Variants in PRKAR1B observed in about 807,000 individuals in gnomAD.
The protein encoded by PRKAR1B is cAMP-dependent protein kinase type I-beta regulatory subunit.
PRKAR1B carries 22 observed loss-of-function variants against 46.5 expected under a neutral mutation model. The ratio of observed to expected loss-of-function variants is 0.47; its 90% CI spans 0.34 to 0.68. The LOEUF is 0.68. PRKAR1B is among the 30% of genes least tolerant of loss of function. The probability of loss-of-function intolerance (pLI) is 0.01; values close to 1 mark genes in which losing one functional copy is unlikely to be tolerated. For missense variants in PRKAR1B, 445 were observed against 535.6 expected, an observed-to-expected ratio of 0.83 and a Z score of 1.67; for synonymous variants, 259 against 217.7, an observed-to-expected ratio of 1.19 and a Z score of -1.67.
At chr7:562,965 T>G (rs1778898872) in intron 9 of PRKAR1B, among the ~76,000 whole-genome samples, 1 of 152,214 alleles carries the variant, frequency 6.6e-6, no homozygotes, top group South Asian at 2.1e-4. Context: ...AGACATTGAG[T>G]CCTTCCAGGT....
At chr7:583,549 A>ACCCACGC (rs1780388557) in intron 8 of PRKAR1B, among the ~76,000 whole-genome samples, 1 of 120,800 alleles carries the variant, frequency 8.3e-6, no homozygotes, top group Admixed American at 7.8e-5. Flanking sequence ...ACACGTGCCA[A>ACCCACGC]ACACATGCGT....
intron 9 of PRKAR1B, among the ~76,000 whole-genome samples, chr7:577,193 G>A (rs1291635430): frequency 6.6e-6 from 1 of 152,090 alleles, no homozygotes; most frequent in African/African-American, 2.4e-5. Context: ...CCAAGACACT[G>A]GCTCCCGAAT....
intron 4 of PRKAR1B, among the ~76,000 whole-genome samples, chr7:615,214 G>A (rs536037893): frequency 2.0e-5 from 3 of 151,144 alleles, no homozygotes; most frequent in Non-Finnish European, 3.0e-5. Flanking sequence ...TCACAAGGTC[G>A]GAAGATCGAG....
At chr7:672,766 G>A (rs1786336113) in intron 4 of PRKAR1B, among the ~76,000 whole-genome samples, 1 of 151,934 alleles carries the variant, frequency 6.6e-6, no homozygotes, top group Non-Finnish European at 1.5e-5. Flanking sequence ...TACTTGGAAG[G>A]CTGAGGCAGG....
intron 4 of PRKAR1B, among the ~76,000 whole-genome samples, chr7:656,322 G>A (rs1210243849): frequency 6.6e-6 from 1 of 152,000 alleles, no homozygotes; most frequent in Admixed American, 6.6e-5. Context: ...GAATGAATGG[G>A]TGAATGAATG....
chr7:674,198 G>A (rs940409546), intron 4 of PRKAR1B, among the ~76,000 whole-genome samples: 5 of 152,120 alleles, frequency 3.3e-5, no homozygotes, highest in African/African-American at 1.2e-4. Context: ...GAGTAGCCAT[G>A]CCCAGCTACT....
chr7:629,266 G>A (rs1583323496), intron 4 of PRKAR1B, among the ~76,000 whole-genome samples: 2 of 152,150 alleles, frequency 1.3e-5, no homozygotes, highest in East Asian at 3.9e-4. Context: ...TGCTGCAGGA[G>A]CGGGGCCACA....
chr7:620,671 T>C (rs1369186528), intron 4 of PRKAR1B, among the ~76,000 whole-genome samples: 1 of 152,282 alleles, frequency 6.6e-6, no homozygotes, highest in Non-Finnish European at 1.5e-5. Context: ...GCACCAACCC[T>C]GCTGAACACT....
intron 2 of PRKAR1B, among the ~76,000 whole-genome samples, chr7:685,084 C>T (rs577756124): frequency 3.3e-5 from 5 of 150,880 alleles, no homozygotes; most frequent in Non-Finnish European, 7.4e-5. Context: ...ATGAATGTAA[C>T]CTTTTATATT....
Position 593,812 on chromosome 7 carries a change from A to C in PRKAR1B, c.708+2334T>G, listed in dbSNP as rs372180596. ...TGTACTGGAGTATCCCCAGCAGCACAGGAGCCCCAGACCCAGGGTGGGCAC... is the reference window on the plus strand; with the variant it reads ...TGTACTGGAGTATCCCCAGCAGCACCGGAGCCCCAGACCCAGGGTGGGCAC... On this transcript the variant is annotated intron_variant, in intron 7 of 10. Coordinates refer to ENST00000537384, the MANE Select transcript of PRKAR1B (RefSeq NM_001164760.2). This position sits in a 1 kb window ranked among gnomAD's most constrained non-coding sequence, Gnocchi z 6.1. Among the ~76,000 whole-genome samples the C allele has an allele frequency of 3.0e-4, 46 of 152,314 alleles. No homozygotes were observed. Among genetic ancestry groups the C allele is most frequent in the African/African-American group, 1.1e-3 (46 of 41,596 alleles).
At chr7:677,630 T>C (rs112062402) in intron 3 of PRKAR1B, among the ~76,000 whole-genome samples, 1,852 of 152,222 alleles carry the variant, frequency 0.012, 26 homozygotes, top group East Asian at 0.056. Context: ...TCTCACTATG[T>C]TGCCCAGGCT....
At chr7:591,737 G>GC in intron 7 of PRKAR1B, among the ~76,000 whole-genome samples, 1 of 152,244 alleles carries the variant, frequency 6.6e-6, no homozygotes, top group Middle Eastern at 3.4e-3. Context: ...CACTTCTCCA[G>GC]CCTGGAGACG....
chr7:596,269 G>A lies in PRKAR1B; in HGVS notation c.585C>T (p.Ser195=), dbSNP rs763342085. The change falls in exon 7 of 11, where the codon AGC becomes AGT. Residue 195 remains serine, a synonymous_variant. Coordinates refer to ENST00000537384, the MANE Select transcript of PRKAR1B (RefSeq NM_001164760.2). ...CCAGCTCCCCGAAGCTGCCTCCCTC[G>A]CTGATGTTGGTCACCCACTCTCCGT... is the stretch of plus-strand genomic sequence containing the variant. The part of the protein sequence containing the change: ...YVNGEWVTNI[S]EGGSFGELAL... 1.1e-5 allele frequency: 18 copies of A among 1,613,662 alleles called. No individual in the cohort carries two copies. The highest frequency in any genetic ancestry group is 6.7e-5 in the East Asian group (3 of 44,892).
intron 9 of PRKAR1B, among the ~76,000 whole-genome samples, chr7:558,927 G>A (rs559477659): frequency 1.3e-5 from 2 of 152,188 alleles, no homozygotes; most frequent in African/African-American, 2.4e-5. Flanking sequence ...CGGGGAGACA[G>A]GGTCCCTCCC....
intron 7 of PRKAR1B, among the ~76,000 whole-genome samples, chr7:587,667 G>C (rs1332384940): frequency 1.3e-5 from 2 of 152,248 alleles, no homozygotes; most frequent in African/African-American, 2.4e-5. Flanking sequence ...GGGTGGGAAA[G>C]AGCAGCCCTG....
At chr7:685,542 G>C (rs1017549491) in intron 2 of PRKAR1B, among the ~76,000 whole-genome samples, 1 of 150,968 alleles carries the variant, frequency 6.6e-6, no homozygotes, top group Non-Finnish European at 1.5e-5. Context: ...GGTTGACAGA[G>C]CCCACAAGAT....
intron 2 of PRKAR1B, among the ~76,000 whole-genome samples, chr7:687,297 G>A (rs1779144674): frequency 6.6e-6 from 1 of 152,176 alleles, no homozygotes; most frequent in African/African-American, 2.4e-5. Context: ...AATGGACATA[G>A]ACTTTAAAAT....
intron 9 of PRKAR1B, among the ~76,000 whole-genome samples, chr7:562,711 G>T (rs1210925490): frequency 6.6e-6 from 1 of 152,148 alleles, no homozygotes; most frequent in South Asian, 2.1e-4. Context: ...CAACCAATCT[G>T]CCCATCATAG....
chr7:640,850 C>T (rs1035337145), intron 4 of PRKAR1B, among the ~76,000 whole-genome samples: 2 of 150,446 alleles, frequency 1.3e-5, no homozygotes, highest in African/African-American at 4.9e-5. Context: ...AGAATGACTA[C>T]AATAAAAGAC....
Sources: allele counts gnomAD v4.1 joint callset (sites outside exome capture counted in the v4.1 genomes callset), GRCh38; gene constraint gnomAD v4.1.1; non-coding constraint Gnocchi (gnomAD v3.1); transcripts MANE v1.5; gene names NCBI Gene and HGNC (gene_info 2026-07-23, HGNC 2026-07-21).